Variants in CSGALNACT1 observed in about 807,000 individuals in gnomAD.
The protein encoded by CSGALNACT1 is chondroitin sulfate N-acetylgalactosaminyltransferase 1.
Under a neutral mutation model 51.0 loss-of-function variants are expected in CSGALNACT1, and 52 were observed. The observed-to-expected ratio is 1.02, with a 90% CI of 0.82 to 1.29. The LOEUF (loss-of-function observed/expected upper bound fraction) is 1.29, where lower values mean the gene tolerates loss of function less well. CSGALNACT1 is among the 50% of genes most tolerant of loss of function. CSGALNACT1 has a pLI of 0.00. For synonymous variants in CSGALNACT1, 341 were observed against 254.4 expected, an observed-to-expected ratio of 1.34 and a Z score of -3.24; for missense variants, 935 against 679.2, an observed-to-expected ratio of 1.38 and a Z score of -4.19.
intron 4 of CSGALNACT1, among the ~76,000 whole-genome samples, chr8:19,470,408 C>T (rs964147285): frequency 6.6e-6 from 1 of 152,104 alleles, no homozygotes; most frequent in East Asian, 1.9e-4. Context: ...GTGCAGGCAG[C>T]GAGGCCAGAG....
intron 1 of CSGALNACT1, among the ~76,000 whole-genome samples, chr8:19,681,709 T>C (rs2060632788): frequency 6.6e-6 from 1 of 152,172 alleles, no homozygotes. Flanking sequence ...AGTTCCCACT[T>C]GCTCCCTCAA....
intron 1 of CSGALNACT1, among the ~76,000 whole-genome samples, chr8:19,740,127 G>A (rs745818532): frequency 5.9e-5 from 9 of 152,070 alleles, no homozygotes; most frequent in South Asian, 4.1e-4. Context: ...CAAGCTCTCC[G>A]CTGCCTGTGC....
intron 6 of CSGALNACT1, among the ~76,000 whole-genome samples, chr8:19,433,374 C>T (rs2059923393): frequency 6.6e-6 from 1 of 152,194 alleles, no homozygotes; most frequent in Non-Finnish European, 1.5e-5. Flanking sequence ...AGGAGCATAG[C>T]CCTAGAGAGG....
At chr8:19,715,173 A>G (rs1248468692) in intron 1 of CSGALNACT1, among the ~76,000 whole-genome samples, 1 of 152,214 alleles carries the variant, frequency 6.6e-6, no homozygotes, top group Non-Finnish European at 1.5e-5. Context: ...TGATAAAACC[A>G]TCAGATCTCG....
intron 6 of CSGALNACT1, among the ~76,000 whole-genome samples, chr8:19,432,794 T>C (rs1276332939): frequency 7.2e-5 from 11 of 152,200 alleles, no homozygotes; most frequent in Non-Finnish European, 1.2e-4. Flanking sequence ...TAGTTTCTAC[T>C]TCCTTGTTGA....
At chr8:19,652,585 G>C (rs1265346743) in intron 1 of CSGALNACT1, among the ~76,000 whole-genome samples, 2 of 151,982 alleles carry the variant, frequency 1.3e-5, no homozygotes, top group Non-Finnish European at 2.9e-5. Flanking sequence ...CTTTCCATCA[G>C]CATACAGACA....
chr8:19,510,155 C>G (rs1258990103), intron 3 of CSGALNACT1, among the ~76,000 whole-genome samples: 1 of 152,066 alleles, frequency 6.6e-6, no homozygotes, highest in Non-Finnish European at 1.5e-5. Context: ...CTTTCCTATC[C>G]CTGGCCAAAT....
intron 9 of CSGALNACT1, among the ~76,000 whole-genome samples, chr8:19,407,912 T>C (rs199554281): frequency 0.018 from 823 of 44,766 alleles, 7 homozygotes; most frequent in Non-Finnish European, 0.032. Context: ...GAATTGTGTG[T>C]GTGTGTGTGT....
upstream of CSGALNACT1, among the ~76,000 whole-genome samples, chr8:19,685,193 G>A (rs915266811): frequency 3.3e-5 from 5 of 152,184 alleles, no homozygotes; most frequent in Non-Finnish European, 7.4e-5. Context: ...ATATGTTAAA[G>A]TGCTTATTCC....
intron 3 of CSGALNACT1, among the ~76,000 whole-genome samples, chr8:19,573,450 T>C (rs1241176600): frequency 6.6e-6 from 1 of 152,136 alleles, no homozygotes; most frequent in Non-Finnish European, 1.5e-5. Context: ...ATTCCAATTT[T>C]TTTTTTTTTT....
intron 3 of CSGALNACT1, among the ~76,000 whole-genome samples, chr8:19,574,361 G>A (rs936177646): frequency 3.9e-5 from 6 of 152,180 alleles, no homozygotes; most frequent in Admixed American, 1.3e-4. Context: ...AACTTCCACA[G>A]CCTCTTGGAA....
intron 6 of CSGALNACT1, among the ~76,000 whole-genome samples, chr8:19,432,572 A>T (rs2059796115): frequency 6.6e-6 from 1 of 152,076 alleles, no homozygotes; most frequent in African/African-American, 2.4e-5. Context: ...TGTATGCTTG[A>T]TGGTATCCCA....
At chr8:19,556,641 T>G (rs2039503786) in intron 3 of CSGALNACT1, among the ~76,000 whole-genome samples, 1 of 152,144 alleles carries the variant, frequency 6.6e-6, no homozygotes, top group African/African-American at 2.4e-5. Context: ...CTGTTCTGTA[T>G]GCAAGCTTCT....
chr8:19,661,993 G>C (rs2058775675), intron 1 of CSGALNACT1, among the ~76,000 whole-genome samples: 1 of 150,196 alleles, frequency 6.7e-6, no homozygotes, highest in Non-Finnish European at 1.5e-5. Flanking sequence ...CACTATCCTG[G>C]GATAAGAGCT....
chr8:19,525,615 CAAAAAAAAAAAAAAAAAAAAAA>C (rs34787475), intron 3 of CSGALNACT1, among the ~76,000 whole-genome samples: 1 of 20,362 alleles, frequency 4.9e-5, no homozygotes, highest in African/African-American at 1.6e-4. Context: ...AAACTTGTCC[CAAAAAAAAAAAAAAAAAAAAAA>C]AAAAAAAAAA....
At chr8:19,572,505 A>C (rs1178373433) in intron 3 of CSGALNACT1, among the ~76,000 whole-genome samples, 1 of 152,224 alleles carries the variant, frequency 6.6e-6, no homozygotes. Context: ...AGGCTTACGT[A>C]CCAATGAAGG....
Position 19,667,242 on chromosome 8 carries a change from G to C in CSGALNACT1, c.-544+15231C>G, listed in dbSNP as rs184591051. Among the ~76,000 whole-genome samples the C allele has an allele frequency of 4.6e-3, 626 of 136,786 alleles. 5 individuals are homozygous for C. The highest frequency in any genetic ancestry group is 0.017 in the Middle Eastern group (4 of 238). The allele number at this position is 136,786 out of a possible 152,430, so 89.7% of individuals were successfully genotyped here. A position where few individuals can be genotyped will look rare whatever the true frequency, so the allele number is the denominator to read the frequency against. On this transcript the variant is annotated intron_variant, in intron 1 of 9. Coordinates refer to the CSGALNACT1 transcript ENST00000332246. ...TTGAGACCAGCCTGCCAAACATGGC[G>C]AAACCCCATCTCTACCAAAAAAAAA...
chr8:19,562,307 T>C (rs973294695), intron 3 of CSGALNACT1, among the ~76,000 whole-genome samples: 21 of 152,232 alleles, frequency 1.4e-4, no homozygotes, highest in African/African-American at 5.1e-4. Flanking sequence ...AGAAGTCATT[T>C]TGAAGTGCCC....
chr8:19,474,695 C>T (rs576611330), intron 4 of CSGALNACT1, among the ~76,000 whole-genome samples: 1 of 151,672 alleles, frequency 6.6e-6, no homozygotes, highest in African/African-American at 2.4e-5. Context: ...ATGGCAAAAC[C>T]CCGTCTTTAC....
Sources: allele counts gnomAD v4.1 joint callset (sites outside exome capture counted in the v4.1 genomes callset), GRCh38; gene constraint gnomAD v4.1.1; transcripts MANE v1.5; gene names NCBI Gene and HGNC (gene_info 2026-07-23, HGNC 2026-07-21).